ATP13A2: variants seen among roughly 807,000 people sequenced by gnomAD.
The protein encoded by ATP13A2 is ATPase cation transporting 13A2.
A neutral mutation model predicts 138.3 loss-of-function variants in ATP13A2; 83 were observed. That is an observed-to-expected ratio of 0.60 (90% CI 0.50 to 0.72). The LOEUF is 0.72. Ranked by LOEUF, ATP13A2 falls within the 30% of genes least tolerant of loss-of-function variation. The pLI is 0.00. For missense variants in ATP13A2, 1,402 were observed against 1,606.4 expected (o/e 0.87, Z 2.17); for synonymous variants, 663 against 699.0 (o/e 0.95, Z 0.81).
Position 16,990,180 on chromosome 1 carries a change from C to T in ATP13A2, c.2359G>A (p.Ala787Thr), listed in dbSNP as rs779373993. 4.3e-6 allele frequency: 7 copies of T among 1,614,020 alleles called. No homozygotes were observed. The highest frequency in any genetic ancestry group is 5.9e-6 in the Non-Finnish European group (7 of 1,180,032). The change falls in exon 21 of 29, where the codon GCC becomes ACC. Residue 787 changes from alanine (A) to threonine (T), a missense_variant. Coordinates refer to ENST00000326735, the MANE Select transcript of ATP13A2 (RefSeq NM_022089.4). Reference sequence around the variant, plus strand: ...TCCATCGGCAGGAACTCGAGAGAGGCAGGCTGACCCCGCTCAGGGTGGGTG... The same window carrying T: ...TCCATCGGCAGGAACTCGAGAGAGGTAGGCTGACCCCGCTCAGGGTGGGTG... ...HATHPERGQPASLEFLPMESP... is the reference protein window; with the variant it reads ...HATHPERGQPTSLEFLPMESP...
chr1:17,005,096 A>T (rs2077502150), intron 3 of ATP13A2, 24 bp from the exon 4 acceptor site: 1 of 1,612,756 alleles, frequency 6.2e-7, no homozygotes, highest in African/African-American at 1.3e-5. Flanking sequence ...GTATGGACTC[A>T]GTCTCAGAAG....
Position 17,006,276 on chromosome 1 carries a change from A to C in ATP13A2, c.11-498T>G, listed in dbSNP as rs1241208870. On this transcript the variant is annotated intron_variant, in intron 1 of 28. Transcript: ENST00000326735. ...TATCTTTTTTTTTTTTTTGAGACGGAGTGTCACTCTGTCACCCAGGCTGGA... is the reference window on the plus strand; with the variant it reads ...TATCTTTTTTTTTTTTTTGAGACGGCGTGTCACTCTGTCACCCAGGCTGGA... 7.4e-5 allele frequency among the ~76,000 whole-genome samples: 10 copies of C among 134,400 alleles called. No homozygotes were observed. In the Admixed American group the frequency reaches 7.8e-4, roughly 11 times the overall value. 88.2% of individuals were successfully genotyped at this position (134,400 alleles called of 152,430 possible). A position where few individuals can be genotyped will look rare whatever the true frequency, so the allele number is the denominator to read the frequency against.
Position 17,002,027 on chromosome 1 carries a change from G to C in ATP13A2, c.705+7C>G. ...AGGGCTGGGGCAAGACCCAGGGACA[G>C]CCCTACCTCGTCCACCAGCAGCTGG... On this transcript the variant is annotated splice_region_variant and intron_variant, in intron 8 of 28. Transcript: ENST00000326735. 6.2e-7 allele frequency: 1 copy of C among 1,609,582 alleles called. No individual in the cohort carries two copies. The highest frequency in any genetic ancestry group is 8.5e-7 in the Non-Finnish European group (1 of 1,177,548).
intron 16 of ATP13A2, 27 bp downstream of exon 16, chr1:16,993,601 AG>A: frequency 6.4e-7 from 1 of 1,558,472 alleles, no homozygotes; most frequent in Non-Finnish European, 8.7e-7. Flanking sequence ...GCCCAGAGGC[AG>A]GGGGCTGACC....
Position 16,996,497 on chromosome 1 carries a change from C to T in ATP13A2, c.1196-1G>A. 1 of 1,613,718 alleles carries T rather than the reference C, an allele frequency of 6.2e-7. No individual in the cohort carries two copies. Among genetic ancestry groups the T allele is most frequent in the South Asian group, 1.1e-5 (1 of 91,074 alleles). On this transcript the variant is annotated splice_acceptor_variant, in intron 12 of 28. Coordinates refer to ENST00000326735, the MANE Select transcript of ATP13A2 (RefSeq NM_022089.4). LOFTEE classifies it high-confidence loss of function. ...AGGCCCCCTTTTGCCGTGCAGAACC[C>T]TGGGGAGGAGGCGGGGACCCCAAGG...
chr1:16,986,968 G>A lies in ATP13A2; in HGVS notation c.3084-12C>T, dbSNP rs2076755512. 1 of 1,613,412 alleles carries A rather than the reference G, an allele frequency of 6.2e-7. No homozygotes were observed. The highest frequency in any genetic ancestry group is 1.1e-5 in the South Asian group (1 of 91,048). ...TCAGAGGCACGAACCTGGGGGTACA[G>A]GGATGGGGGTCAGGGAACGAACGTG... On this transcript the variant is annotated splice_polypyrimidine_tract_variant and intron_variant, in intron 26 of 28. Transcript: ENST00000326735. The surrounding 1 kb of genome is among the most constrained non-coding windows in gnomAD (Gnocchi z 6.9).
At chr1:17,006,095 A>C (rs1486584043) in intron 1 of ATP13A2, among the ~76,000 whole-genome samples, 1 of 152,046 alleles carries the variant, frequency 6.6e-6, no homozygotes, top group Non-Finnish European at 1.5e-5. Context: ...AGATCACACC[A>C]CTGCACCCCT....
At chr1:16,990,046 T>G (rs541344554) in intron 21 of ATP13A2, 43 bp from the exon 22 acceptor site, 2 of 1,613,010 alleles carry the variant, frequency 1.2e-6, no homozygotes, top group African/African-American at 2.7e-5. Context: ...CTGCCCACCC[T>G]GGAGAGTTGG....
chr1:17,005,454 G>A lies in ATP13A2; in HGVS notation c.208C>T (p.Leu70=), dbSNP rs757911860. ...IPLLLFRWKP[L]WGVRLRLRPC... is the part of the protein sequence containing the mutation. ...CGGAGCCGCAGCCGCACCCCCCACA[G>A]GGGCTTCCAACGGAAGAGCAGCAAA... is the stretch of plus-strand genomic sequence containing the variant. The change falls in exon 3 of 29, where the codon CTG becomes TTG. Residue 70 remains leucine (L), a synonymous_variant. Transcript: ENST00000326735. The A allele has an allele frequency of 5.6e-6, 9 of 1,614,074 alleles. No individual in the cohort carries two copies. The Admixed American group carries it at 1.5e-4, about 27-fold the overall frequency.
rs775892776 is a variant in ATP13A2, at chr1:16,988,463, C to G, written c.2621G>C (p.Gly874Ala). 3.1e-6 allele frequency: 5 copies of G among 1,613,834 alleles called. No individual in the cohort carries two copies. In the Admixed American group the frequency reaches 8.3e-5, roughly 27 times the overall value. Residue 874 changes from glycine (G) to alanine (A), a missense_variant, in exon 24 of 29, where the codon GGC becomes GCC. Transcript: ENST00000326735. ...GTCATTGGCGCCGTCTCCGCACATGCCCACGCAGTACCTGAAGAGAGGTGT... is the reference window on the plus strand; with the variant it reads ...GTCATTGGCGCCGTCTCCGCACATGGCCACGCAGTACCTGAAGAGAGGTGT... The part of the protein sequence containing the change: ...CELQKLQYCV[G>A]MCGDGANDCG...
chr1:17,008,212 A>G (rs2077637050), intron 1 of ATP13A2, among the ~76,000 whole-genome samples: 9 of 151,916 alleles, frequency 5.9e-5, no homozygotes. Flanking sequence ...TTGCGATCAT[A>G]GCTCACTGCA....
chr1:16,987,022 G>A lies in ATP13A2; in HGVS notation c.3083+24C>T, dbSNP rs55885047. 0.025 allele frequency: 40,719 copies of A among 1,612,822 alleles called. 608 individuals carry two copies. Among genetic ancestry groups the A allele is most frequent in the Middle Eastern group, 0.05 (303 of 6,050 alleles). On this transcript the variant is annotated intron_variant, in intron 26 of 28. Transcript: ENST00000326735. The stretch of plus-strand genomic sequence containing the variant: ...TGGACAGGGAAGGGGCGGGATGGGG[G>A]TGGTCAGTCAGCTCCCTACTCACCA...
chr1:16,996,901 A>C, intron 12 of ATP13A2, 119 bp downstream of exon 12: 1 of 1,301,076 alleles, frequency 7.7e-7, no homozygotes, highest in East Asian at 2.5e-5. Context: ...GTCCCACAGC[A>C]GGGCAGCAGC....
In ATP13A2 at chr1:16,993,715, G is replaced by A. The variant is rs1208562568; in HGVS notation, c.1663C>T (p.Leu555=). The change falls in exon 16 of 29, where the codon CTG becomes TTG. Residue 555 remains leucine, a synonymous_variant. Coordinates refer to ENST00000326735, the MANE Select transcript of ATP13A2 (RefSeq NM_022089.4). The stretch of plus-strand genomic sequence containing the variant: ...CGGCTGAGGGCATGGCAGGTGGCCA[G>A]TGCTCGGAGCAGGGGCCCCACAGGC... ...RLPVGPLLRA[L]ATCHALSRLQ... is the part of the protein sequence containing the mutation. The A allele has an allele frequency of 1.4e-5, 22 of 1,593,954 alleles. No individual in the cohort carries two copies. The highest frequency in any genetic ancestry group is 2.7e-5 in the African/African-American group (2 of 74,666).
In ATP13A2 at chr1:16,994,197, CATTTATTT is replaced by C. The variant is rs573179357; in HGVS notation, c.1543-370_1543-363del. ...CACGGTTGGCTCGCTCTCTCTCTCTCATTTATTTATTTATTTATTTATTTATTTTTATT... is the reference window on the plus strand; with the variant it reads ...CACGGTTGGCTCGCTCTCTCTCTCTCATTTATTTATTTATTTATTTTTATT... On this transcript the variant is annotated intron_variant, in intron 15 of 28. Coordinates refer to ENST00000326735, the MANE Select transcript of ATP13A2 (RefSeq NM_022089.4). Among the ~76,000 whole-genome samples the C allele has an allele frequency of 1.5e-4, 22 of 147,414 alleles. 1 individual carries two copies. The highest frequency in any genetic ancestry group is 6.5e-4 in the South Asian group (3 of 4,600).
intron 12 of ATP13A2, 147 bp downstream of exon 12, chr1:16,996,873 G>GT (rs2077145876): frequency 9.7e-7 from 1 of 1,029,442 alleles, no homozygotes; most frequent in East Asian, 2.6e-5. Context: ...ACCCCAGATG[G>GT]GGGGCAACTG....
intron 20 of ATP13A2, 48 bp from the exon 21 acceptor site, chr1:16,990,335 C>T: frequency 6.2e-7 from 1 of 1,608,904 alleles, no homozygotes; most frequent in Non-Finnish European, 8.5e-7. Context: ...CCGGGGAGGC[C>T]ATCCTCATCC....
chr1:16,997,861 G>A (rs1428378842), intron 11 of ATP13A2, among the ~76,000 whole-genome samples: 1 of 148,308 alleles, frequency 6.7e-6, no homozygotes, highest in Non-Finnish European at 1.5e-5. Context: ...GGGAGGGGAG[G>A]GGATGGGGTA....
chr1:16,988,932 C>T (rs2076828813), intron 23 of ATP13A2, among the ~76,000 whole-genome samples: 1 of 150,248 alleles, frequency 6.7e-6, no homozygotes, highest in South Asian at 2.1e-4. Flanking sequence ...CCGTGCCCGG[C>T]CTATTATTTT....
Sources: gnomAD v4.1 joint callset for allele counts (sites outside exome capture counted in the v4.1 genomes callset) on GRCh38, gnomAD v4.1.1 for gene constraint, Gnocchi (gnomAD v3.1) non-coding constraint, MANE v1.5 for transcripts, NCBI Gene and HGNC (gene_info 2026-07-23, HGNC 2026-07-21) for gene names.